The following CEMIP2 variants were observed in gnomAD, a reference collection of about 807,000 sequenced individuals.
The protein encoded by CEMIP2 is cell migration inducing hyaluronidase 2.
A neutral mutation model predicts 146.9 loss-of-function variants in CEMIP2; 79 were observed. The ratio of observed to expected loss-of-function variants is 0.54; its 90% confidence interval spans 0.45 to 0.65. CEMIP2 has a LOEUF of 0.65. Ranked by LOEUF, CEMIP2 falls within the 30% of genes least tolerant of loss-of-function variation. CEMIP2 has a pLI of 0.00. For missense variants in CEMIP2, 1,596 were observed against 1,696.2 expected (o/e 0.94, Z 1.04); for synonymous variants, 601 against 606.3 (o/e 0.99, Z 0.13).
intron 3 of CEMIP2, among the ~76,000 whole-genome samples, chr9:71,745,855 A>T (rs765213523): frequency 6.6e-6 from 1 of 152,164 alleles, no homozygotes; most frequent in Non-Finnish European, 1.5e-5. Flanking sequence ...TTATTTTTGT[A>T]TATGTTTACT....
At chr9:71,735,050 C>G (rs1253197235) in intron 5 of CEMIP2, 56 bp from the exon 6 acceptor site, 21 of 1,528,196 alleles carry the variant, frequency 1.4e-5, no homozygotes, top group Non-Finnish European at 1.8e-5. Context: ...GTATTTTTTT[C>G]TCTCTAAAAT....
At chr9:71,755,894 G>C (rs890534052) in intron 1 of CEMIP2, among the ~76,000 whole-genome samples, 1 of 133,426 alleles carries the variant, frequency 7.5e-6, no homozygotes, top group Admixed American at 8.7e-5. Flanking sequence ...CCTGGGAGGT[G>C]AAGGCTGCAA....
In CEMIP2 at chr9:71,737,921, A is replaced by G. The variant is rs182680303; in HGVS notation, c.1204+2142T>C. Reference sequence around the variant, plus strand: ...GTTGTTGAGATCCCACATGCATAATACCCATTCATCAAAACAACCGTGAGA... The same window carrying G: ...GTTGTTGAGATCCCACATGCATAATGCCCATTCATCAAAACAACCGTGAGA... On this transcript the variant is annotated intron_variant, in intron 5 of 23. Transcript: ENST00000377044. Among the ~76,000 whole-genome samples, 19 of 152,318 alleles carry G rather than the reference A, an allele frequency of 1.2e-4. No individual in the cohort carries two copies. In the East Asian group the frequency reaches 3.7e-3, roughly 29 times the overall value.
At chr9:71,764,495 G>A (rs1824729442) in intron 1 of CEMIP2, among the ~76,000 whole-genome samples, 1 of 150,522 alleles carries the variant, frequency 6.6e-6, no homozygotes. Context: ...TTTACTATAT[G>A]ACCTTACCTA....
At position 71,704,613 on chromosome 9, in the gene CEMIP2, T is replaced by A. The variant is rs149448448; in HGVS notation, c.3176A>T (p.Tyr1059Phe). 5 of 1,614,008 alleles carry A rather than the reference T, an allele frequency of 3.1e-6. No individual in the cohort carries two copies. Among genetic ancestry groups the A allele is most frequent in the African/African-American group, 1.3e-5 (1 of 74,904 alleles). The change falls in exon 18 of 24, where the codon TAC (tyrosine) becomes TTC (phenylalanine). Residue 1059 changes from tyrosine to phenylalanine, a missense_variant. Coordinates refer to ENST00000377044, the MANE Select transcript of CEMIP2 (RefSeq NM_013390.3). The part of the protein sequence containing the change: ...NGPAPRTTFL[Y>F]LVNFNKNDWI... ...AACATACTTGTTGAAGTTGACGAGG[T>A]ATAGAAATGTAGTCCGTGGTGCCGG...
chr9:71,731,073 A>T, intron 7 of CEMIP2, 159 bp from the exon 8 acceptor site: 1 of 653,638 alleles, frequency 1.5e-6, no homozygotes, highest in South Asian at 2.0e-5. Context: ...ATAATTTAGG[A>T]AATGCTTCTT....
intron 6 of CEMIP2, among the ~76,000 whole-genome samples, chr9:71,733,961 A>G (rs1010468458): frequency 5.3e-5 from 8 of 151,926 alleles, no homozygotes; most frequent in African/African-American, 1.9e-4. Context: ...CTCCTGCCTC[A>G]GCCTCCCTAG....
intron 16 of CEMIP2, among the ~76,000 whole-genome samples, chr9:71,711,588 C>A (rs185707696): frequency 2.7e-5 from 4 of 149,204 alleles, no homozygotes; most frequent in Admixed American, 2.0e-4. Context: ...GAGACCCTGC[C>A]TCAAAGAAAA....
At chr9:71,744,905 G>A (rs754619160) in intron 4 of CEMIP2, 113 bp downstream of exon 4, 8 of 1,107,566 alleles carry the variant, frequency 7.2e-6, no homozygotes, top group Admixed American at 2.3e-5. Context: ...AAATGGTAGA[G>A]TGGCCCTTCT....
chr9:71,699,926 A>G (rs750623661), intron 19 of CEMIP2, among the ~76,000 whole-genome samples: 4 of 152,208 alleles, frequency 2.6e-5, no homozygotes, highest in Non-Finnish European at 4.4e-5. Context: ...CTTGATTTAC[A>G]TGCCCACATT....
At chr9:71,766,164 G>A (rs1824785633) in intron 1 of CEMIP2, among the ~76,000 whole-genome samples, 1 of 151,554 alleles carries the variant, frequency 6.6e-6, no homozygotes, top group Non-Finnish European at 1.5e-5. Context: ...CACCTCCCAG[G>A]TGCAAGCGAT....
At chr9:71,715,623 A>AAAATATATATATATAT (rs1564005835) in intron 14 of CEMIP2, among the ~76,000 whole-genome samples, 1 of 40,060 alleles carries the variant, frequency 2.5e-5, no homozygotes, top group Non-Finnish European at 6.7e-5. Context: ...TATCCCTCTT[A>AAAATATATATATATAT]AGATATATAT....
upstream of CEMIP2, chr9:71,768,991 C>G (rs1350136568): frequency 1.3e-5 from 2 of 152,106 alleles, no homozygotes; most frequent in Admixed American, 1.3e-4. Flanking sequence ...CCCGGCCCCT[C>G]CCGCCGGCCC....
intron 22 of CEMIP2, among the ~76,000 whole-genome samples, chr9:71,687,628 A>AG (rs779699941): frequency 6.6e-6 from 1 of 152,158 alleles, no homozygotes; most frequent in Non-Finnish European, 1.5e-5. Flanking sequence ...CAGGAGTTCA[A>AG]GACCAGCCTG....
At chr9:71,733,079 G>A (rs1443874697) in intron 6 of CEMIP2, among the ~76,000 whole-genome samples, 5 of 152,150 alleles carry the variant, frequency 3.3e-5, no homozygotes, top group African/African-American at 1.2e-4. Flanking sequence ...AATGCATAGT[G>A]AGTCCATAAA....
chr9:71,729,778 A>T, intron 10 of CEMIP2, 67 bp downstream of exon 10: 2 of 1,516,458 alleles, frequency 1.3e-6, no homozygotes, highest in Non-Finnish European at 1.8e-6. Context: ...ATTAAATCCA[A>T]ATAAACCAGA....
chr9:71,714,536 C>T (rs1822994811), intron 15 of CEMIP2, among the ~76,000 whole-genome samples: 1 of 152,026 alleles, frequency 6.6e-6, no homozygotes, highest in African/African-American at 2.4e-5. Flanking sequence ...GTAGTTATTT[C>T]TGAAAACCAA....
intron 10 of CEMIP2, 107 bp downstream of exon 10, chr9:71,729,738 T>C (rs1362592848): frequency 2.8e-6 from 3 of 1,061,774 alleles, no homozygotes; most frequent in East Asian, 2.4e-5. Context: ...GAAAACAATG[T>C]CATGCTTGGG....
chr9:71,746,101 C>T (rs561558309), intron 3 of CEMIP2, 100 bp downstream of exon 3: 1 of 1,340,120 alleles, frequency 7.5e-7, no homozygotes, highest in Non-Finnish European at 1.0e-6. Flanking sequence ...CAAACTAAAG[C>T]CTATTCTGCC....
Sources: gnomAD v4.1 joint callset for allele counts (sites outside exome capture counted in the v4.1 genomes callset) on GRCh38, gnomAD v4.1.1 for gene constraint, MANE v1.5 for transcripts, NCBI Gene and HGNC (gene_info 2026-07-23, HGNC 2026-07-21) for gene names.